TAF1: variants seen among roughly 807,000 people sequenced by gnomAD.
TAF1 encodes TATA-box binding protein associated factor 1.
TAF1 carries 2 observed loss-of-function variants against 138.5 expected under a neutral mutation model. The observed-to-expected ratio is 0.01, with a 90% CI of 0.01 to 0.05. TAF1 has a LOEUF of 0.05. TAF1 is among the 10% of genes least tolerant of loss of function. The pLI is 1.00. For synonymous variants in TAF1, 437 were observed against 503.2 expected (o/e 0.87, Z 1.76); for missense variants, 709 against 1,478.0 (o/e 0.48, Z 8.53).
At chrX:71,445,256 C>T (rs1361704941) in intron 32 of TAF1, among the ~76,000 whole-genome samples, 3 of 102,298 alleles carry the variant, frequency 2.9e-5, no homozygotes, top group East Asian at 3.1e-4. Context: ...GTTGAGATCA[C>T]GCCACTGCAC....
downstream of TAF1, among the ~76,000 whole-genome samples, chrX:71,467,124 T>C (rs1399824440): frequency 9.8e-6 from 1 of 101,687 alleles, no homozygotes; most frequent in Non-Finnish European, 2.0e-5. Context: ...TGATGATTCT[T>C]GGGTGTTTCT....
intron 13 of TAF1, among the ~76,000 whole-genome samples, chrX:71,490,110 C>G (rs2039247430): frequency 9.0e-6 from 1 of 111,511 alleles, no homozygotes; most frequent in African/African-American, 3.3e-5. Flanking sequence ...AAAAATTTGC[C>G]CATAAAAGTT....
intron 32 of TAF1, among the ~76,000 whole-genome samples, chrX:71,449,794 A>G (rs1218422603): frequency 9.0e-6 from 1 of 111,345 alleles, no homozygotes; most frequent in Non-Finnish European, 1.9e-5. Flanking sequence ...TTTTTTTGAG[A>G]TGAAGTCTTG....
At chrX:71,398,518 A>G (rs1602537923) in intron 23 of TAF1, 54 bp from the exon 24 acceptor site, 2 of 1,185,335 alleles carry the variant, frequency 1.7e-6, no homozygotes, top group Admixed American at 2.4e-5. Flanking sequence ...CTTCTTGGTT[A>G]AGGTTTGCTT....
At chrX:71,377,469 A>T in intron 5 of TAF1, 134 bp from the exon 6 acceptor site, 2 of 863,147 alleles carry the variant, frequency 2.3e-6, no homozygotes, top group Non-Finnish European at 3.2e-6. Flanking sequence ...TAGACGTTAC[A>T]AGTCTGAATG....
intron 14 of TAF1, chrX:71,529,647 C>T: frequency 3.0e-6 from 1 of 332,689 alleles, no homozygotes. Context: ...GCACATGTTC[C>T]TTGAAGTGAA....
intron 8 of TAF1, among the ~76,000 whole-genome samples, chrX:71,380,720 A>ATT (rs2033826735): frequency 8.9e-6 from 1 of 111,904 alleles, no homozygotes; most frequent in Admixed American, 9.5e-5. Context: ...TTGAGACAAG[A>ATT]GTCTCTGTCG....
intron 2 of TAF1, 56 bp from the exon 3 acceptor site, chrX:71,367,998 T>C (rs2032693302): frequency 1.8e-6 from 2 of 1,115,941 alleles, no homozygotes; most frequent in Non-Finnish European, 2.5e-6. Flanking sequence ...ATGGGAATTA[T>C]CTGAGGGAGT....
intron 32 of TAF1, among the ~76,000 whole-genome samples, chrX:71,452,052 G>A (rs1257484812): frequency 4.6e-5 from 5 of 109,123 alleles, no homozygotes; most frequent in Non-Finnish European, 7.7e-5. Flanking sequence ...AGTAGGGGCG[G>A]CCGGGCAGAG....
At chrX:71,526,057 G>A (rs1255393806) in intron 13 of TAF1, among the ~76,000 whole-genome samples, 1 of 110,786 alleles carries the variant, frequency 9.0e-6, no homozygotes, top group Non-Finnish European at 1.9e-5. Context: ...AAGTAGGGAG[G>A]GCAGGGGTCA....
chrX:71,432,907 C>T (rs2036961322), intron 32 of TAF1, among the ~76,000 whole-genome samples: 1 of 112,042 alleles, frequency 8.9e-6, no homozygotes, highest in South Asian at 3.6e-4. Context: ...ATCCCCTCTC[C>T]AATCTTCAAG....
At chrX:71,382,401 G>GT (rs2033951617) in intron 9 of TAF1, 135 bp from the exon 10 acceptor site, 1 of 863,149 alleles carries the variant, frequency 1.2e-6, no homozygotes. Flanking sequence ...TTACCTGGGG[G>GT]GGGGTGGGAT....
intron 13 of TAF1, among the ~76,000 whole-genome samples, chrX:71,483,585 T>TCAAA (rs772139687): frequency 5.6e-5 from 6 of 107,301 alleles, no homozygotes; most frequent in South Asian, 8.2e-4. Flanking sequence ...AGACTCTGTC[T>TCAAA]CAAACAAACA....
At chrX:71,470,045 A>G (rs1211801580), downstream of TAF1, among the ~76,000 whole-genome samples, 2 of 111,580 alleles carry the variant, frequency 1.8e-5, no homozygotes, top group African/African-American at 3.3e-5. Context: ...ACGTGCAACT[A>G]TGTTCTAGTT....
chrX:71,439,167 T>C (rs887288778), intron 32 of TAF1, among the ~76,000 whole-genome samples: 1 of 111,829 alleles, frequency 8.9e-6, no homozygotes, highest in Non-Finnish European at 1.9e-5. Flanking sequence ...GAATGTATTA[T>C]TGTTTCCTCC....
Position 71,380,725 on chromosome X carries a change from C to T in TAF1, c.1361-1018C>T, listed in dbSNP as rs373967192. Among the ~76,000 whole-genome samples, 6 of 112,162 alleles carry T rather than the reference C, an allele frequency of 5.3e-5. No individual in the cohort carries two copies. The East Asian group carries it at 8.3e-4, about 16-fold the overall frequency. Reference sequence around the variant, plus strand: ...TTTTTCTTTTTTGAGACAAGAGTCTCTGTCGCCCAGGGTGGAATGTGTTGG... The same window carrying T: ...TTTTTCTTTTTTGAGACAAGAGTCTTTGTCGCCCAGGGTGGAATGTGTTGG... On this transcript the variant is annotated intron_variant, in intron 8 of 37. Coordinates refer to ENST00000423759, the MANE Select transcript of TAF1 (RefSeq NM_004606.5).
In TAF1 at chrX:71,460,731, A is replaced by G; in HGVS notation, c.5327A>G (p.Asn1776Ser). 2 of 1,208,352 alleles carry G rather than the reference A, an allele frequency of 1.7e-6. No individual in the cohort carries two copies. The highest frequency in any genetic ancestry group is 2.2e-6 in the Non-Finnish European group (2 of 893,639). The change falls in exon 37 of 38, where the codon AAT becomes AGT. Residue 1776 changes from asparagine to serine, a missense_variant. Around this residue, in one of 14 missense-constraint regions of TAF1, gnomAD observed 123 missense variants for 174.7 expected, o/e 0.70. Coordinates refer to ENST00000423759, the MANE Select transcript of TAF1 (RefSeq NM_004606.5). ...LQENTRMDME[N>S]EESMMSYEGD... is the part of the protein sequence containing the mutation. ...GAGAACACAAGGATGGACATGGAAA[A>G]TGAAGAAAGCATGATGTCCTATGAG...
intron 13 of TAF1, among the ~76,000 whole-genome samples, chrX:71,519,939 G>T (rs975900922): frequency 9.2e-6 from 1 of 108,885 alleles, no homozygotes; most frequent in Non-Finnish European, 1.9e-5. Flanking sequence ...CAGAGTAGCT[G>T]GGATTACAGG....
At chrX:71,426,586 A>G (rs549841755) in intron 32 of TAF1, among the ~76,000 whole-genome samples, 4 of 110,659 alleles carry the variant, frequency 3.6e-5, no homozygotes, top group South Asian at 3.8e-4. Context: ...ATGGTGGTGC[A>G]TGCCTGTGAT....
Sources: allele counts gnomAD v4.1 joint callset (sites outside exome capture counted in the v4.1 genomes callset), GRCh38; gene constraint gnomAD v4.1.1; regional missense constraint gnomAD v4.1.1; transcripts MANE v1.5; gene names NCBI Gene and HGNC (gene_info 2026-07-23, HGNC 2026-07-21).